RALGAPA1: variants seen among roughly 807,000 people sequenced by gnomAD.
The protein encoded by RALGAPA1 is Ral GTPase activating protein catalytic subunit alpha 1, also known as ral GTPase-activating protein subunit alpha-1.
A neutral mutation model predicts 269.6 loss-of-function variants in RALGAPA1; 52 were observed. That is an observed-to-expected ratio of 0.19 (90% CI 0.15 to 0.24). The LOEUF is 0.24. Among genes scored for constraint, RALGAPA1 ranks in the 10% least tolerant of loss-of-function variants. The probability of loss-of-function intolerance (pLI) is 1.00; values close to 1 mark genes in which losing one functional copy is unlikely to be tolerated. For synonymous variants in RALGAPA1, 817 were observed against 1,008.3 expected, an observed-to-expected ratio of 0.81 and a Z score of 3.60; for missense variants, 1,917 against 3,013.9, an observed-to-expected ratio of 0.64 and a Z score of 8.52.
chr14:35,603,874 G>A (rs747285634), intron 36 of RALGAPA1, among the ~76,000 whole-genome samples: 6 of 152,070 alleles, frequency 3.9e-5, no homozygotes, highest in Non-Finnish European at 8.8e-5. Context: ...GATGAAGATA[G>A]GCTGGCTAAT....
At chr14:35,618,810 C>T (rs2060420747) in intron 35 of RALGAPA1, among the ~76,000 whole-genome samples, 1 of 151,972 alleles carries the variant, frequency 6.6e-6, no homozygotes, top group Non-Finnish European at 1.5e-5. Flanking sequence ...GGGAAAAATC[C>T]TATTCAGAAT....
chr14:35,794,558 G>GC (rs1471139192), intron 1 of RALGAPA1, among the ~76,000 whole-genome samples: 2 of 152,094 alleles, frequency 1.3e-5, no homozygotes, highest in Admixed American at 6.5e-5. Flanking sequence ...CTGGGTTCAC[G>GC]CCATTCTCCT....
intron 37 of RALGAPA1, among the ~76,000 whole-genome samples, chr14:35,577,308 C>A (rs915666716): frequency 6.6e-6 from 1 of 151,902 alleles, no homozygotes; most frequent in Admixed American, 6.6e-5. Context: ...TCCTAACCCC[C>A]CAGTGTGTTG....
chr14:35,769,299 G>A (rs1243804772), intron 4 of RALGAPA1, among the ~76,000 whole-genome samples: 1 of 151,850 alleles, frequency 6.6e-6, no homozygotes, highest in African/African-American at 2.4e-5. Context: ...GCAACATTTA[G>A]CAACATGGAT....
chr14:35,699,664 C>A (rs1409077951), intron 17 of RALGAPA1, among the ~76,000 whole-genome samples: 1 of 151,874 alleles, frequency 6.6e-6, no homozygotes, highest in Non-Finnish European at 1.5e-5. Flanking sequence ...TCCAAAGCAA[C>A]TTTTAGATTA....
chr14:35,806,565 C>A lies in RALGAPA1; in HGVS notation c.106+2165G>T, dbSNP rs540989883. 5.9e-5 allele frequency among the ~76,000 whole-genome samples: 9 copies of A among 152,202 alleles called. No homozygotes were observed. The South Asian group carries it at 1.0e-3, about 18-fold the overall frequency. ...CACATGCCAGGAAAAAAGTTTACAG[C>A]GGATGTTTAAATTATGATTATGTTC... On this transcript the variant is annotated intron_variant, in intron 1 of 41. Coordinates refer to ENST00000680220, the MANE Select transcript of RALGAPA1 (RefSeq NM_001346249.2).
At chr14:35,649,675 G>A (rs1257196675) in intron 31 of RALGAPA1, among the ~76,000 whole-genome samples, 1 of 152,048 alleles carries the variant, frequency 6.6e-6, no homozygotes, top group Non-Finnish European at 1.5e-5. Context: ...AACTTTAAAA[G>A]AATTTTTCCT....
chr14:35,740,363 A>G (rs183866847), intron 11 of RALGAPA1, among the ~76,000 whole-genome samples: 27 of 152,346 alleles, frequency 1.8e-4, no homozygotes, highest in Non-Finnish European at 2.9e-4. Flanking sequence ...TCTTGTCACA[A>G]TAAATAAAAG....
chr14:35,673,452 G>A (rs2064671687), intron 24 of RALGAPA1, among the ~76,000 whole-genome samples: 1 of 152,148 alleles, frequency 6.6e-6, no homozygotes, highest in Non-Finnish European at 1.5e-5. Context: ...TCAGCTACTT[G>A]GAAGGCTGAA....
chr14:35,578,815 G>C (rs1482978992), intron 37 of RALGAPA1, among the ~76,000 whole-genome samples: 1 of 152,132 alleles, frequency 6.6e-6, no homozygotes, highest in Non-Finnish European at 1.5e-5. Flanking sequence ...TGGTAGCTGT[G>C]GTAATTCACT....
rs1042448293 is a variant in RALGAPA1, at chr14:35,554,373, G to GTC, written c.7497-5141_7497-5140dup. 1.1e-3 allele frequency among the ~76,000 whole-genome samples: 131 copies of GTC among 114,600 alleles called. 1 individual carries two copies. Among genetic ancestry groups the GTC allele is most frequent in the African/African-American group, 4.7e-3 (131 of 27,940 alleles). The allele number at this position is 114,600 out of a possible 152,430, so 75.2% of individuals were successfully genotyped here. A position where few individuals can be genotyped will look rare whatever the true frequency, so the allele number is the denominator to read the frequency against. Reference sequence around the variant, plus strand: ...TTTTTTTTTTTTTTTTTGAGACGGAGTCTCACTCTGTCGCCCAGGCTGGAG... The same window carrying GTC: ...TTTTTTTTTTTTTTTTTGAGACGGAGTCTCTCACTCTGTCGCCCAGGCTGGAG... On this transcript the variant is annotated intron_variant, in intron 39 of 41. Coordinates refer to ENST00000680220, the MANE Select transcript of RALGAPA1 (RefSeq NM_001346249.2).
At chr14:35,682,403 C>T (rs1406682517) in intron 21 of RALGAPA1, among the ~76,000 whole-genome samples, 1 of 151,856 alleles carries the variant, frequency 6.6e-6, no homozygotes, top group Non-Finnish European at 1.5e-5. Flanking sequence ...CGGGTTCATG[C>T]CATTCTCCTG....
intron 29 of RALGAPA1, among the ~76,000 whole-genome samples, chr14:35,655,594 T>G (rs2063126083): frequency 6.6e-6 from 1 of 151,958 alleles, no homozygotes; most frequent in African/African-American, 2.4e-5. Flanking sequence ...CTAAAATACA[T>G]AAAAAGTTGA....
At position 35,568,743 on chromosome 14, in the gene RALGAPA1, T is replaced by A. The variant is rs2056919173; in HGVS notation, c.7496+1874A>T. ...GGTCTTCTTGAATAGTTCCTCCTAA[T>A]GCTTCAAACAATCAACAGACAATAT... On this transcript the variant is annotated intron_variant, in intron 39 of 41. Coordinates refer to ENST00000680220, the MANE Select transcript of RALGAPA1 (RefSeq NM_001346249.2). Among the ~76,000 whole-genome samples, 3 of 152,188 alleles carry A rather than the reference T, an allele frequency of 2.0e-5. No homozygotes were observed. The South Asian group carries it at 6.2e-4, about 32-fold the overall frequency.
chr14:35,601,147 G>A (rs540138026), intron 36 of RALGAPA1, among the ~76,000 whole-genome samples: 54 of 152,318 alleles, frequency 3.5e-4, no homozygotes, highest in Admixed American at 1.6e-3. Flanking sequence ...TCGTAAGGGT[G>A]ACCTCACTAC....
intron 26 of RALGAPA1, among the ~76,000 whole-genome samples, chr14:35,670,052 C>T (rs534875597): frequency 6.6e-6 from 1 of 152,320 alleles, no homozygotes; most frequent in Admixed American, 6.5e-5. Flanking sequence ...ACCGCTGCTG[C>T]TTTGTCTGTT....
chr14:35,573,348 T>A (rs2139490127), intron 37 of RALGAPA1, among the ~76,000 whole-genome samples: 1 of 152,280 alleles, frequency 6.6e-6, no homozygotes, highest in South Asian at 2.1e-4. Context: ...TAGTCTTAAG[T>A]TTTCTTCATA....
chr14:35,756,080 T>G (rs1255937904), intron 7 of RALGAPA1, among the ~76,000 whole-genome samples: 1 of 152,198 alleles, frequency 6.6e-6, no homozygotes, highest in South Asian at 2.1e-4. Context: ...TATTGGCAGA[T>G]TGATTCCTAA....
chr14:35,593,105 C>T (rs148608701), intron 37 of RALGAPA1, among the ~76,000 whole-genome samples: 70 of 152,184 alleles, frequency 4.6e-4, no homozygotes, highest in African/African-American at 1.6e-3. Flanking sequence ...TAGAAAGCCC[C>T]TGAGATTCCA....
Sources: gnomAD v4.1 joint callset for allele counts (sites outside exome capture counted in the v4.1 genomes callset) on GRCh38, gnomAD v4.1.1 for gene constraint, MANE v1.5 for transcripts, NCBI Gene and HGNC (gene_info 2026-07-23, HGNC 2026-07-21) for gene names.